The following SMIM22 variants were observed in gnomAD, a reference collection of about 807,000 sequenced individuals.
SMIM22 encodes the protein small integral membrane protein 22.
Under a neutral mutation model 8.4 loss-of-function variants are expected in SMIM22, and 16 were observed. The observed-to-expected ratio is 1.90, with a 90% CI of 1.29 to 2.89. SMIM22 has a LOEUF of 2.89. Among genes scored for constraint, SMIM22 ranks in the 30% most tolerant of loss-of-function variants. The probability of loss-of-function intolerance (pLI) is 0.00; values close to 1 mark genes in which losing one functional copy is unlikely to be tolerated. For synonymous variants in SMIM22, 67 were observed against 47.6 expected (o/e 1.41, Z -1.68); for missense variants, 159 against 107.5 (o/e 1.48, Z -2.12).
At position 4,795,821 on chromosome 16, in the gene SMIM22, G is replaced by A. The variant is rs867898221; in HGVS notation, c.87G>A (p.Trp29Ter). The A allele has an allele frequency of 5.2e-6, 8 of 1,535,824 alleles. No homozygotes were observed. In the East Asian group the frequency reaches 1.2e-4, roughly 23 times the overall value. ...GCCACCAGTTTTTCCAGTCCACATG[G>A]GACACTGTTGCCTTCATTGTTTTCC... is the stretch of plus-strand genomic sequence containing the variant. ...LKSHQFFQST[W>*]DTVAFIVFLT... The change falls in exon 2 of 4, where the codon TGG (tryptophan) becomes TGA (stop). Residue 29 changes from tryptophan to a stop codon, truncating the protein, a stop_gained. Transcript: ENST00000586005. LOFTEE classifies it high-confidence loss of function.
upstream of SMIM22, among the ~76,000 whole-genome samples, chr16:4,792,663 G>A (rs2082569990): frequency 6.6e-6 from 1 of 151,372 alleles, no homozygotes; most frequent in Non-Finnish European, 1.5e-5. Context: ...TCAGCTGGGT[G>A]TGGTGGTGCA....
In SMIM22 at chr16:4,796,272, T is replaced by C; in HGVS notation, c.*41T>C. The C allele has an allele frequency of 6.5e-7, 1 of 1,533,462 alleles. No individual in the cohort carries two copies. Among genetic ancestry groups the C allele is most frequent in the South Asian group, 1.2e-5 (1 of 83,824 alleles). 95.0% of individuals were successfully genotyped at this position (1,533,462 alleles called of 1,614,324 possible). A position where few individuals can be genotyped will look rare whatever the true frequency, so the allele number is the denominator to read the frequency against. On this transcript the variant is annotated 3_prime_UTR_variant, in exon 4 of 4. Coordinates refer to ENST00000586005, the MANE Select transcript of SMIM22 (RefSeq NM_001253794.2). Reference sequence around the variant, plus strand: ...CCGGTGGCAGTAACAAAGCCTTCTGTCTGCCCAGAGCCTGAGTCTGCAGTG... The same window carrying C: ...CCGGTGGCAGTAACAAAGCCTTCTGCCTGCCCAGAGCCTGAGTCTGCAGTG...
rs564254610 is a variant in SMIM22 at position 4,789,511 on chromosome 16, A to G, written c.-146+740A>G. Among the ~76,000 whole-genome samples, 4 of 152,004 alleles carry G rather than the reference A, an allele frequency of 2.6e-5. No individual in the cohort carries two copies. The South Asian group carries it at 6.2e-4, about 24-fold the overall frequency. On this transcript the variant is annotated intron_variant, in intron 2 of 5. Transcript: ENST00000589327. ...CGGCTAATTTTTTCCTATTTTTAGT[A>G]GAGACTGGTTTTCCCTGTGTTAGCC... is the stretch of plus-strand genomic sequence containing the variant.
Position 4,796,052 on chromosome 16 carries a change from AG to A in SMIM22, c.225+5del. 1 of 1,531,324 alleles carries A rather than the reference AG, an allele frequency of 6.5e-7. No individual in the cohort carries two copies. The highest frequency in any genetic ancestry group is 8.7e-7 in the Non-Finnish European group (1 of 1,143,658). The allele number at this position is 1,531,324 out of a possible 1,614,324, so 94.9% of individuals were successfully genotyped here. ...CAGGAAGGTGAGCCCCTGGAAGGTGAGCCCTGCCGGCCTCTGGGACCTGCAC... is the reference window on the plus strand; with the variant it reads ...CAGGAAGGTGAGCCCCTGGAAGGTGACCCTGCCGGCCTCTGGGACCTGCAC... On this transcript the variant is annotated splice_donor_5th_base_variant and intron_variant, in intron 3 of 3. Transcript: ENST00000586005.
At chr16:4,791,072 G>C (rs1393784672), upstream of SMIM22, among the ~76,000 whole-genome samples, 1 of 152,188 alleles carries the variant, frequency 6.6e-6, no homozygotes, top group Admixed American at 6.5e-5. Flanking sequence ...CGTACCTCTG[G>C]GGATGTCCCC....
upstream of SMIM22, among the ~76,000 whole-genome samples, chr16:4,791,776 C>G (rs1392308510): frequency 3.9e-5 from 6 of 152,128 alleles, no homozygotes; most frequent in African/African-American, 1.4e-4. Context: ...CAACCTCTGC[C>G]TCCCGGGTTC....
rs2082623163 is a variant in SMIM22, at chr16:4,795,556, G to C, written c.-21+107G>C. 5.8e-6 allele frequency: 5 copies of C among 868,482 alleles called. No homozygotes were observed. The Admixed American group carries it at 1.2e-4, about 20-fold the overall frequency. The allele number at this position is 868,482 out of a possible 1,614,324, so 53.8% of individuals were successfully genotyped here. ...AGGACCACAGGGCTGGGCAAGGAGAGAAGCTGGGCCTGGGGCCGAGGGAGA... is the reference window on the plus strand; with the variant it reads ...AGGACCACAGGGCTGGGCAAGGAGACAAGCTGGGCCTGGGGCCGAGGGAGA... On this transcript the variant is annotated intron_variant, in intron 1 of 3. Coordinates refer to ENST00000586005, the MANE Select transcript of SMIM22 (RefSeq NM_001253794.2).
At chr16:4,791,354 G>C (rs951297010), upstream of SMIM22, among the ~76,000 whole-genome samples, 1 of 152,194 alleles carries the variant, frequency 6.6e-6, no homozygotes, top group Non-Finnish European at 1.5e-5. Context: ...AGCCTGGATG[G>C]AATCACACGT....
In SMIM22 at chr16:4,795,832, C is replaced by T. The variant is rs1321035289; in HGVS notation, c.98C>T (p.Ala33Val). 1.3e-6 allele frequency: 2 copies of T among 1,535,786 alleles called. No homozygotes were observed. The highest frequency in any genetic ancestry group is 3.9e-5 in the Admixed American group (2 of 50,966). The change falls in exon 2 of 4, where the codon GCC (alanine) becomes GTC (valine). Residue 33 changes from alanine to valine, a missense_variant. By Grantham distance (64) the Ala-to-Val change is moderately conservative (BLOSUM62 0). Coordinates refer to ENST00000586005, the MANE Select transcript of SMIM22 (RefSeq NM_001253794.2). Reference protein sequence around the residue: ...QFFQSTWDTVAFIVFLTFMGT... With the variant: ...QFFQSTWDTVVFIVFLTFMGT... The stretch of plus-strand genomic sequence containing the variant: ...TTCCAGTCCACATGGGACACTGTTG[C>T]CTTCATTGTTTTCCTCACCTTCATG...
chr16:4,793,783 C>T (rs1254533344), upstream of SMIM22, among the ~76,000 whole-genome samples: 2 of 152,162 alleles, frequency 1.3e-5, no homozygotes, highest in South Asian at 2.1e-4. Context: ...TATATGTATA[C>T]AATTTTTTCT....
chr16:4,791,266 G>A (rs916852748), upstream of SMIM22, among the ~76,000 whole-genome samples: 1 of 152,188 alleles, frequency 6.6e-6, no homozygotes, highest in Admixed American at 6.6e-5. Context: ...CATCTGGAAG[G>A]TGCTCCCGGT....
At chr16:4,796,162 G>C in intron 3 of SMIM22, 28 bp from the exon 4 acceptor site, 2 of 1,536,010 alleles carry the variant, frequency 1.3e-6, no homozygotes, top group African/African-American at 1.4e-5. Context: ...GAGCGAACCT[G>C]CTTGGTCCCG....
intron 2 of SMIM22, among the ~76,000 whole-genome samples, chr16:4,790,288 G>T (rs2082531909): frequency 6.6e-6 from 1 of 152,166 alleles, no homozygotes; most frequent in African/African-American, 2.4e-5. Flanking sequence ...ACTTTTCATT[G>T]CAGTGAGAAA....
rs1013556107 is a variant in SMIM22, at chr16:4,795,729, G to T, written c.-6G>T. 2.0e-6 allele frequency: 3 copies of T among 1,535,482 alleles called. No homozygotes were observed. The South Asian group carries it at 3.6e-5, about 18-fold the overall frequency. ...GACCGGGGCAGGTGGCACGGTGCAC[G>T]CCAAGATGGCTGTGTCCACAGAGGA... On this transcript the variant is annotated 5_prime_UTR_variant, in exon 2 of 4. Transcript: ENST00000586005.
chr16:4,792,134 G>A (rs1192902365), upstream of SMIM22, among the ~76,000 whole-genome samples: 3 of 152,152 alleles, frequency 2.0e-5, no homozygotes, highest in Non-Finnish European at 4.4e-5. Context: ...GGGACAGTGG[G>A]CCTCCTGCCC....
chr16:4,792,960 T>G (rs2082575256), upstream of SMIM22, among the ~76,000 whole-genome samples: 1 of 151,694 alleles, frequency 6.6e-6, no homozygotes, highest in African/African-American at 2.4e-5. Flanking sequence ...AATACAAAAG[T>G]TAGCTGGGCG....
At chr16:4,789,305 C>A (rs554958592) in intron 2 of SMIM22, among the ~76,000 whole-genome samples, 1 of 152,004 alleles carries the variant, frequency 6.6e-6, no homozygotes, top group African/African-American at 2.4e-5. Context: ...CCATGCCTGG[C>A]CTTTTTTTTT....
upstream of SMIM22, among the ~76,000 whole-genome samples, chr16:4,794,752 C>T (rs1334322440): frequency 3.9e-5 from 6 of 152,124 alleles, no homozygotes; most frequent in Non-Finnish European, 7.4e-5. Flanking sequence ...GGTGGGGTTT[C>T]GCCATGTTGG....
rs1307454753 is a variant in SMIM22, at chr16:4,795,550, A to C, written c.-21+101A>C. On this transcript the variant is annotated intron_variant, in intron 1 of 3. Coordinates refer to ENST00000586005, the MANE Select transcript of SMIM22 (RefSeq NM_001253794.2). ...AGGGTAAGGACCACAGGGCTGGGCA[A>C]GGAGAGAAGCTGGGCCTGGGGCCGA... 1.5e-5 allele frequency: 12 copies of C among 801,838 alleles called. No individual in the cohort carries two copies. In the Admixed American group the frequency reaches 2.9e-4, roughly 20 times the overall value. The allele number at this position is 801,838 out of a possible 1,614,324, so 49.7% of individuals were successfully genotyped here. A position where few individuals can be genotyped will look rare whatever the true frequency, so the allele number is the denominator to read the frequency against.
Sources: gnomAD v4.1 joint callset for allele counts (sites outside exome capture counted in the v4.1 genomes callset) on GRCh38, gnomAD v4.1.1 for gene constraint, MANE v1.5 for transcripts, NCBI Gene and HGNC (gene_info 2026-07-23, HGNC 2026-07-21) for gene names.